The following SASH1 variants were observed in gnomAD, a reference collection of about 807,000 sequenced individuals.
SASH1 encodes SAM and SH3 domain-containing protein 1.
Under a neutral mutation model 125.2 loss-of-function variants are expected in SASH1, and 44 were observed. That is an observed-to-expected ratio of 0.35 (90% confidence interval 0.28 to 0.45). The LOEUF is 0.45. SASH1 is among the 20% of genes least tolerant of loss of function. The probability of loss-of-function intolerance (pLI) is 1.00; values close to 1 mark genes in which losing one functional copy is unlikely to be tolerated. For synonymous variants in SASH1, 639 were observed against 649.1 expected (o/e 0.98, Z 0.24); for missense variants, 1,426 against 1,614.5 (o/e 0.88, Z 2.00).
intron 1 of SASH1, among the ~76,000 whole-genome samples, chr6:148,294,116 G>A (rs915733292): frequency 2.0e-5 from 3 of 152,218 alleles, no homozygotes; most frequent in South Asian, 2.1e-4. Flanking sequence ...ACCCAAAGAT[G>A]CCCAAGTGGC....
At chr6:148,245,328 T>C in the SASH1 span, among the ~76,000 whole-genome samples, 1 of 152,170 alleles carries the variant, frequency 6.6e-6, no homozygotes, top group African/African-American at 2.4e-5. Context: ...AATCGGTTCT[T>C]GGTATTATAG....
intron 10 of SASH1, among the ~76,000 whole-genome samples, chr6:148,524,121 A>ATATATATATATATTTTTTT (rs1193506716): frequency 2.3e-5 from 3 of 128,608 alleles, no homozygotes; most frequent in East Asian, 2.3e-4. Flanking sequence ...ATATATATAT[A>ATATATATATATATTTTTTT]TTTTTTTTAA....
At chr6:148,293,768 AAC>A (rs1234231961) in intron 1 of SASH1, among the ~76,000 whole-genome samples, 1 of 152,200 alleles carries the variant, frequency 6.6e-6, no homozygotes, top group Non-Finnish European at 1.5e-5. Flanking sequence ...CCCAAGGGAC[AAC>A]AGTGTTCCAG....
intron 1 of SASH1, among the ~76,000 whole-genome samples, chr6:148,371,351 G>C (rs940690396): frequency 6.6e-6 from 1 of 151,854 alleles, no homozygotes; most frequent in African/African-American, 2.4e-5. Context: ...CTGCCTCCTA[G>C]GTTCAAGTGA....
At chr6:148,374,708 G>T (rs79377665) in intron 1 of SASH1, among the ~76,000 whole-genome samples, 26 of 64,604 alleles carry the variant, frequency 4.0e-4, no homozygotes, top group East Asian at 3.1e-3. Context: ...TTTTTTTGGG[G>T]GGGGGGGAGA....
intron 2 of SASH1, among the ~76,000 whole-genome samples, chr6:148,422,445 G>A (rs188328637): frequency 1.6e-4 from 25 of 152,320 alleles, no homozygotes; most frequent in Admixed American, 7.8e-4. Context: ...GGCTGTGGAT[G>A]AATGAACATG....
At chr6:148,444,124 T>G (rs1776675498) in intron 4 of SASH1, among the ~76,000 whole-genome samples, 1 of 152,190 alleles carries the variant, frequency 6.6e-6, no homozygotes, top group African/African-American at 2.4e-5. Context: ...TGAGCACTGC[T>G]CCTGCGACTC....
At position 148,531,679 on chromosome 6, in the gene SASH1, T is replaced by C; in HGVS notation, c.1564+18T>C. The stretch of plus-strand genomic sequence containing the variant: ...CTCCATGAGTAAGTCGAGTTTGTCA[T>C]TGTAGATTATTTTCTTTGGAGTTAA... On this transcript the variant is annotated intron_variant, in intron 13 of 19. Transcript: ENST00000367467. The C allele has an allele frequency of 6.7e-7, 1 of 1,485,144 alleles. No individual in the cohort carries two copies. The highest frequency in any genetic ancestry group is 9.0e-7 in the Non-Finnish European group (1 of 1,114,742). The allele number at this position is 1,485,144 out of a possible 1,614,324, so 92.0% of individuals were successfully genotyped here. A position where few individuals can be genotyped will look rare whatever the true frequency, so the allele number is the denominator to read the frequency against.
intron 1 of SASH1, among the ~76,000 whole-genome samples, chr6:148,309,936 A>G (rs1177808574): frequency 6.6e-6 from 1 of 152,162 alleles, no homozygotes. Flanking sequence ...TCAAGGCACC[A>G]TGTGGGGGAA....
chr6:148,478,847 G>A, intron 7 of SASH1: 1 of 160,224 alleles, frequency 6.2e-6, no homozygotes. Context: ...TGGCCTAGCT[G>A]CCAGCTGGTG....
intron 4 of SASH1, among the ~76,000 whole-genome samples, chr6:148,465,927 T>A (rs1014529239): frequency 6.6e-6 from 1 of 152,162 alleles, no homozygotes; most frequent in Non-Finnish European, 1.5e-5. Context: ...TTTCTTATGC[T>A]TTTTTGTTCC....
chr6:148,250,773 C>T, the SASH1 span, among the ~76,000 whole-genome samples: 30 of 152,230 alleles, frequency 2.0e-4, no homozygotes, highest in South Asian at 2.1e-4. Context: ...TTGCTTCTAG[C>T]TGGGTGGACG....
At chr6:148,458,703 C>T (rs1023261466) in intron 4 of SASH1, among the ~76,000 whole-genome samples, 1 of 152,080 alleles carries the variant, frequency 6.6e-6, no homozygotes, top group African/African-American at 2.4e-5. Context: ...TGGGGGCTCA[C>T]ACCTGTAATC....
chr6:148,352,216 T>A (rs1256447552), intron 1 of SASH1, among the ~76,000 whole-genome samples: 1 of 152,170 alleles, frequency 6.6e-6, no homozygotes, highest in Non-Finnish European at 1.5e-5. Context: ...GGTGAGTTAT[T>A]TAATTATTCT....
intron 4 of SASH1, among the ~76,000 whole-genome samples, chr6:148,449,739 G>C (rs1777001850): frequency 6.6e-6 from 1 of 152,182 alleles, no homozygotes; most frequent in African/African-American, 2.4e-5. Flanking sequence ...GGGTTCTGCA[G>C]CCTGGGAAGT....
intron 17 of SASH1, among the ~76,000 whole-genome samples, chr6:148,543,329 T>C (rs1227238390): frequency 6.6e-6 from 1 of 152,214 alleles, no homozygotes; most frequent in East Asian, 1.9e-4. Context: ...ACAAATCTCA[T>C]CAATATGCGG....
At chr6:148,391,812 C>G (rs1459338932) in intron 2 of SASH1, among the ~76,000 whole-genome samples, 2 of 152,166 alleles carry the variant, frequency 1.3e-5, no homozygotes, top group Admixed American at 6.5e-5. Context: ...CCGTGCCTTT[C>G]AAATAGTTTT....
chr6:148,326,367 T>TGC (rs1780821273), intron 1 of SASH1, among the ~76,000 whole-genome samples: 1 of 87,696 alleles, frequency 1.1e-5, no homozygotes, highest in Non-Finnish European at 2.3e-5. Flanking sequence ...TGCATATATA[T>TGC]ATATATACAT....
At chr6:148,447,585 C>A (rs1013647808) in intron 4 of SASH1, among the ~76,000 whole-genome samples, 3 of 152,138 alleles carry the variant, frequency 2.0e-5, no homozygotes, top group African/African-American at 7.2e-5. Context: ...CTCTTGATTG[C>A]TTGCACCACT....
Sources: allele counts gnomAD v4.1 joint callset (sites outside exome capture counted in the v4.1 genomes callset), GRCh38; gene constraint gnomAD v4.1.1; transcripts MANE v1.5; gene names NCBI Gene and HGNC (gene_info 2026-07-23, HGNC 2026-07-21).